Variants in RALYL observed in about 807,000 individuals in gnomAD.
RALYL encodes RNA-binding Raly-like protein.
RALYL carries 29 observed loss-of-function variants against 35.1 expected under a neutral mutation model. The ratio of observed to expected loss-of-function variants is 0.83; its 90% confidence interval spans 0.61 to 1.13. The LOEUF is 1.13. Ranked by LOEUF, RALYL falls within the 50% of genes most tolerant of loss-of-function variation. RALYL has a pLI of 0.00. For missense variants in RALYL, 359 were observed against 360.4 expected, an observed-to-expected ratio of 1.00 and a Z score of 0.03; for synonymous variants, 120 against 127.6, an observed-to-expected ratio of 0.94 and a Z score of 0.40.
chr8:84,273,342 G>A (rs772645652), intron 1 of RALYL, among the ~76,000 whole-genome samples: 52 of 152,196 alleles, frequency 3.4e-4, no homozygotes, highest in African/African-American at 1.1e-3. Flanking sequence ...CCAGGTACTC[G>A]CCACATGGGC....
At chr8:84,682,331 G>A (rs1326948688) in intron 2 of RALYL, among the ~76,000 whole-genome samples, 1 of 152,126 alleles carries the variant, frequency 6.6e-6, no homozygotes, top group Non-Finnish European at 1.5e-5. Flanking sequence ...CCAGGCTTTG[G>A]TATCAGGATG....
intron 1 of RALYL, among the ~76,000 whole-genome samples, chr8:84,342,273 G>A (rs538853148): frequency 1.1e-3 from 55 of 51,834 alleles, no homozygotes; most frequent in African/African-American, 7.8e-3. Flanking sequence ...ACAGAGCATC[G>A]TTCAATATAT....
At chr8:84,839,783 G>A (rs942822391) in intron 4 of RALYL, among the ~76,000 whole-genome samples, 1 of 152,316 alleles carries the variant, frequency 6.6e-6, no homozygotes, top group South Asian at 2.1e-4. Flanking sequence ...CCAGAGGAAC[G>A]ATCAGGCAGC....
chr8:84,339,050 G>A (rs947311325), intron 1 of RALYL, among the ~76,000 whole-genome samples: 1 of 152,112 alleles, frequency 6.6e-6, no homozygotes, highest in African/African-American at 2.4e-5. Context: ...GGGTGGCGCA[G>A]ACATGATCTG....
At chr8:84,555,273 A>C (rs906923145) in intron 2 of RALYL, among the ~76,000 whole-genome samples, 1 of 148,966 alleles carries the variant, frequency 6.7e-6, no homozygotes, top group African/African-American at 2.5e-5. Flanking sequence ...GTGAGACTCC[A>C]TCTCAATATA....
chr8:84,457,436 T>C (rs2050260448), intron 1 of RALYL, among the ~76,000 whole-genome samples: 2 of 152,092 alleles, frequency 1.3e-5, no homozygotes, highest in Non-Finnish European at 1.5e-5. Context: ...GTAGGCCATG[T>C]TGCCTTTTAC....
At chr8:84,350,976 G>A (rs540622929) in intron 1 of RALYL, among the ~76,000 whole-genome samples, 2 of 150,136 alleles carry the variant, frequency 1.3e-5, no homozygotes, top group Non-Finnish European at 3.0e-5. Context: ...CTTGGATAAG[G>A]AGGGGGTGAG....
At position 84,281,090 on chromosome 8, in the gene RALYL, G is replaced by A. The variant is rs183223328; in HGVS notation, c.-24+96666G>A. On this transcript the variant is annotated intron_variant, in intron 1 of 8. Coordinates refer to ENST00000521268, the MANE Select transcript of RALYL (RefSeq NM_173848.7). The stretch of plus-strand genomic sequence containing the variant: ...ACTTTCATTAGCACTGGAAAGTGGT[G>A]TTAGCATGACTATACAGAGGTTTTT... Among the ~76,000 whole-genome samples, 475 of 152,240 alleles carry A rather than the reference G, an allele frequency of 3.1e-3. 5 individuals are homozygous for A. Among genetic ancestry groups the A allele is most frequent in the African/African-American group, 0.011 (460 of 41,574 alleles).
chr8:84,240,044 T>C (rs1827529824), intron 1 of RALYL, among the ~76,000 whole-genome samples: 1 of 151,984 alleles, frequency 6.6e-6, no homozygotes, highest in Admixed American at 6.5e-5. Flanking sequence ...AATGTTTTAA[T>C]TCATTGTGGA....
intron 1 of RALYL, among the ~76,000 whole-genome samples, chr8:84,270,516 C>G (rs926934271): frequency 2.6e-5 from 4 of 151,862 alleles, no homozygotes; most frequent in Non-Finnish European, 4.4e-5. Flanking sequence ...GAGGAAACTT[C>G]TGGCTTGAGG....
intron 1 of RALYL, among the ~76,000 whole-genome samples, chr8:84,451,493 T>C (rs1167584033): frequency 6.6e-6 from 1 of 152,014 alleles, no homozygotes; most frequent in Non-Finnish European, 1.5e-5. Flanking sequence ...ATATACAGAA[T>C]GTACATATTT....
chr8:84,784,413 A>G (rs1294244556), intron 3 of RALYL, among the ~76,000 whole-genome samples: 2 of 152,198 alleles, frequency 1.3e-5, no homozygotes, highest in African/African-American at 4.8e-5. Flanking sequence ...TCACTCTTAC[A>G]ATGTGAATGA....
chr8:84,514,563 G>A (rs2057908253), intron 1 of RALYL, among the ~76,000 whole-genome samples: 1 of 152,186 alleles, frequency 6.6e-6, no homozygotes, highest in Non-Finnish European at 1.5e-5. Context: ...AAGCAAAAGG[G>A]TCTAGTTTGT....
intron 1 of RALYL, among the ~76,000 whole-genome samples, chr8:84,474,143 T>C (rs969401455): frequency 6.6e-6 from 1 of 152,142 alleles, no homozygotes; most frequent in Non-Finnish European, 1.5e-5. Flanking sequence ...CCACTGTAGA[T>C]ACTATCTTTA....
chr8:84,298,602 G>T (rs1840204549), intron 1 of RALYL, among the ~76,000 whole-genome samples: 1 of 152,098 alleles, frequency 6.6e-6, no homozygotes, highest in Non-Finnish European at 1.5e-5. Flanking sequence ...AATGTCATTG[G>T]TGGGTTTGTT....
At chr8:84,475,400 A>T (rs1356825964) in intron 1 of RALYL, among the ~76,000 whole-genome samples, 5 of 151,760 alleles carry the variant, frequency 3.3e-5, no homozygotes, top group African/African-American at 1.2e-4. Context: ...TTTGTAATTT[A>T]TTGGAGACAG....
chr8:84,695,192 A>G (rs570552131), intron 2 of RALYL, among the ~76,000 whole-genome samples: 8 of 151,698 alleles, frequency 5.3e-5, no homozygotes, highest in Non-Finnish European at 1.2e-4. Context: ...CATATGTTTC[A>G]GCAGTTAATT....
At chr8:84,225,135 T>G (rs1284889425) in intron 1 of RALYL, among the ~76,000 whole-genome samples, 2 of 152,238 alleles carry the variant, frequency 1.3e-5, no homozygotes, top group African/African-American at 4.8e-5. Context: ...TTAATTCTTC[T>G]CTTTGCCTTG....
At chr8:84,219,267 A>T (rs1237407718) in intron 1 of RALYL, among the ~76,000 whole-genome samples, 2 of 151,898 alleles carry the variant, frequency 1.3e-5, no homozygotes, top group East Asian at 3.9e-4. Context: ...TTCTCACAAG[A>T]ACTGATGGTT....
Sources: allele counts gnomAD v4.1 joint callset (sites outside exome capture counted in the v4.1 genomes callset), GRCh38; gene constraint gnomAD v4.1.1; transcripts MANE v1.5; gene names NCBI Gene and HGNC (gene_info 2026-07-23, HGNC 2026-07-21).